The following MYO15B variants were observed in gnomAD, a reference collection of about 807,000 sequenced individuals.
The protein encoded by MYO15B is myosin XVB, also known as myosin XVB pseudogene.
MYO15B carries 207 observed loss-of-function variants against 119.3 expected under a neutral mutation model. The observed-to-expected ratio is 1.73, with a 90% CI of 1.55 to 1.95. MYO15B has a LOEUF of 1.95. MYO15B is among the 30% of genes most tolerant of loss of function. The pLI is 0.00. For synonymous variants in MYO15B, 966 were observed against 498.9 expected, an observed-to-expected ratio of 1.94 and a Z score of -12.48; for missense variants, 2,264 against 1,203.1, an observed-to-expected ratio of 1.88 and a Z score of -13.04.
chr17:75,613,317 G>A (rs1220218911), exon 28 of MYO15B: 1 of 673,398 alleles, frequency 1.5e-6, no homozygotes, highest in Non-Finnish European at 2.7e-6. Flanking sequence ...AGGCCCCCAG[G>A]GGCATGGCAG....
chr17:75,593,318 A>G (rs2056605918), intron 9 of MYO15B, among the ~76,000 whole-genome samples: 1 of 152,058 alleles, frequency 6.6e-6, no homozygotes, highest in African/African-American at 2.4e-5. Context: ...AGCCTGGGCA[A>G]CATGGCAAAA....
At chr17:75,624,347 G>A (rs2058893877) in intron 56 of MYO15B, 23 bp from the exon 57 acceptor site, 1 of 702,620 alleles carries the variant, frequency 1.4e-6, no homozygotes, top group Non-Finnish European at 2.6e-6. Flanking sequence ...CTGGCCGACT[G>A]ACCCTGCAAC....
exon 1 of MYO15B, chr17:75,590,196 G>A (rs1192156389): frequency 3.0e-5 from 12 of 399,020 alleles, no homozygotes; most frequent in Non-Finnish European, 5.3e-5. Context: ...CCAAGGGCAG[G>A]AGCCTCGGAG....
intron 21 of MYO15B, among the ~76,000 whole-genome samples, chr17:75,608,644 C>A (rs1253387296): frequency 6.6e-6 from 1 of 151,918 alleles, no homozygotes; most frequent in Non-Finnish European, 1.5e-5. Context: ...CTGCAACCTC[C>A]AGCTACTGGT....
Position 75,613,284 on chromosome 17 carries a change from G to A in MYO15B, c.4968-9G>A, listed in dbSNP as rs758468053. 3.6e-5 allele frequency: 24 copies of A among 667,460 alleles called. No individual in the cohort carries two copies. The highest frequency in any genetic ancestry group is 1.6e-4 in the South Asian group (10 of 63,660). 41.3% of individuals were successfully genotyped at this position (667,460 alleles called of 1,614,324 possible). A position where few individuals can be genotyped will look rare whatever the true frequency, so the allele number is the denominator to read the frequency against. ...CCTGCCTCCACTGCAGCCTGTGCCC[G>A]CCCTGCAGGTTCGTGTCTGACCAGG... is the stretch of plus-strand genomic sequence containing the variant. On this transcript the variant is annotated splice_polypyrimidine_tract_variant and intron_variant, in intron 27 of 63. Coordinates refer to ENST00000645453, the Ensembl canonical transcript of MYO15B.
exon 1 of MYO15B, chr17:75,590,132 GGGACCTGGAGCTGAGCCTCCGGCC>G: frequency 2.5e-6 from 1 of 399,068 alleles, no homozygotes; most frequent in Non-Finnish European, 4.4e-6. Flanking sequence ...GTGCTGGAGA[GGGACCTGGAGCTGAGCCTCCGGCC>G]GGGCCTGGAG....
intron 4 of MYO15B, 164 bp from the exon 5 acceptor site, chr17:75,591,437 T>TC: frequency 1.6e-6 from 1 of 615,356 alleles, no homozygotes. Flanking sequence ...GGGGACTTTT[T>TC]CTTTTCTGTC....
intron 21 of MYO15B, among the ~76,000 whole-genome samples, chr17:75,609,696 C>G (rs1195919758): frequency 1.6e-5 from 2 of 123,350 alleles, no homozygotes; most frequent in South Asian, 2.3e-4. Flanking sequence ...TCCTTCCTTC[C>G]TCCCTCCCTC....
chr17:75,614,500 C>T (rs2058239187), intron 30 of MYO15B, 83 bp from the exon 31 acceptor site: 2 of 676,184 alleles, frequency 3.0e-6, no homozygotes, highest in East Asian at 2.7e-5. Context: ...TGGGGTGACC[C>T]CCGCAGCAGC....
exon 1 of MYO15B, chr17:75,588,535 C>A (rs2056206095): frequency 5.0e-6 from 2 of 398,676 alleles, no homozygotes; most frequent in Non-Finnish European, 8.8e-6. Context: ...CAGCTCCTGT[C>A]CGGACAGCGA....
chr17:75,610,658 C>G (rs2057967602), intron 22 of MYO15B: 1 of 569,704 alleles, frequency 1.8e-6, no homozygotes, highest in African/African-American at 1.9e-5. Flanking sequence ...CCCCTGGGAC[C>G]ATTTCTTCCC....
At chr17:75,619,065 C>T (rs750625139) in intron 43 of MYO15B, 78 bp from the exon 44 acceptor site, 18 of 698,192 alleles carry the variant, frequency 2.6e-5, no homozygotes, top group Non-Finnish European at 4.4e-5. Context: ...TCAGGTTTTC[C>T]TTCATGCATG....
At position 75,624,642 on chromosome 17, in the gene MYO15B, A is replaced by G. The variant is rs878994085; in HGVS notation, c.8542+3A>G. On this transcript the variant is annotated splice_donor_region_variant and intron_variant, in intron 58 of 63. Coordinates refer to ENST00000645453, the Ensembl canonical transcript of MYO15B. ...CCTCTTCCTCATCAAAGAGAAGAGT[A>G]AGCTTGGGGACGGAGCCTCACGGTG... 5.7e-6 allele frequency: 4 copies of G among 702,756 alleles called. No individual in the cohort carries two copies. Among genetic ancestry groups the G allele is most frequent in the Non-Finnish European group, 1.0e-5 (4 of 384,974 alleles). The allele number at this position is 702,756 out of a possible 1,614,324, so 43.5% of individuals were successfully genotyped here.
intron 19 of MYO15B, 149 bp downstream of exon 19, chr17:75,603,461 C>CCTCT: frequency 3.4e-6 from 2 of 582,190 alleles, no homozygotes; most frequent in Non-Finnish European, 3.1e-6. Context: ...GTCCTCTCAT[C>CCTCT]CTCTCTCTCT....
At chr17:75,590,466 C>T (rs2056366746) in intron 1 of MYO15B, 160 bp from the exon 2 acceptor site, 7 of 394,940 alleles carry the variant, frequency 1.8e-5, no homozygotes, top group Non-Finnish European at 3.1e-5. Context: ...AGCCAGCCCT[C>T]CTTGTAGCCT....
At chr17:75,599,442 T>A (rs910679336) in intron 14 of MYO15B, among the ~76,000 whole-genome samples, 1 of 147,740 alleles carries the variant, frequency 6.8e-6, no homozygotes, top group Admixed American at 6.7e-5. Context: ...GCTTGGCTAA[T>A]TTTTTTTTCT....
intron 15 of MYO15B, chr17:75,602,287 G>A: frequency 4.6e-6 from 3 of 656,304 alleles, no homozygotes; most frequent in Non-Finnish European, 8.3e-6. Flanking sequence ...ATAGGTTAAA[G>A]CCCCAGTGGG....
At chr17:75,624,728 T>C (rs1385612091) in intron 58 of MYO15B, 43 bp from the exon 59 acceptor site, 2 of 701,598 alleles carry the variant, frequency 2.9e-6, no homozygotes, top group East Asian at 2.7e-5. Flanking sequence ...CAGGGCCGGG[T>C]GTGTGTGGTC....
chr17:75,614,456 G>A, intron 30 of MYO15B, 96 bp downstream of exon 30: 1 of 666,278 alleles, frequency 1.5e-6, no homozygotes, highest in Non-Finnish European at 2.7e-6. Context: ...AGCTGCCACA[G>A]GCCCAGCCCT....
Sources: gnomAD v4.1 joint callset for allele counts (sites outside exome capture counted in the v4.1 genomes callset) on GRCh38, gnomAD v4.1.1 for gene constraint, MANE v1.5 for transcripts, NCBI Gene and HGNC (gene_info 2026-07-23, HGNC 2026-07-21) for gene names.